Variants in PCM1 observed in about 807,000 individuals in gnomAD.
PCM1 encodes pericentriolar material 1 protein.
Under a neutral mutation model 241.9 loss-of-function variants are expected in PCM1, and 157 were observed. The ratio of observed to expected loss-of-function variants is 0.65; its 90% CI spans 0.57 to 0.74. The LOEUF (loss-of-function observed/expected upper bound fraction) is 0.74, where lower values mean the gene tolerates loss of function less well. Ranked by LOEUF, PCM1 falls within the 30% of genes least tolerant of loss-of-function variation. PCM1 has a pLI of 0.00. For missense variants in PCM1, 3,478 were observed against 2,360.1 expected, an observed-to-expected ratio of 1.47 and a Z score of -9.81; for synonymous variants, 1,085 against 784.9, an observed-to-expected ratio of 1.38 and a Z score of -6.39.
intron 29 of PCM1, among the ~76,000 whole-genome samples, chr8:18,004,521 A>T (rs1276026624): frequency 2.0e-5 from 3 of 152,218 alleles, no homozygotes; most frequent in Non-Finnish European, 4.4e-5. Context: ...TGAGGAAATG[A>T]AATAATAAAT....
At chr8:17,927,743 G>C (rs1221406390) in intron 2 of PCM1, 1 of 150,840 alleles carries the variant, frequency 6.6e-6, no homozygotes, top group Non-Finnish European at 1.5e-5. Context: ...TATAGATGGG[G>C]TTTTAACATG....
chr8:17,982,054 T>C (rs2081033124), intron 24 of PCM1, among the ~76,000 whole-genome samples: 1 of 152,208 alleles, frequency 6.6e-6, no homozygotes, highest in Non-Finnish European at 1.5e-5. Context: ...TAATGAGCAT[T>C]TATCATTTTG....
intron 26 of PCM1, among the ~76,000 whole-genome samples, chr8:17,988,549 G>A (rs1173170683): frequency 6.6e-6 from 1 of 151,758 alleles, no homozygotes; most frequent in Non-Finnish European, 1.5e-5. Context: ...TAAGAAATTA[G>A]ACTTAACAAA....
intron 2 of PCM1, 62 bp downstream of exon 2, chr8:17,924,842 G>A (rs1016390951): frequency 6.6e-6 from 1 of 152,156 alleles, no homozygotes; most frequent in African/African-American, 2.4e-5. Flanking sequence ...CTTTATGGTG[G>A]ACACTGCTGT....
intron 2 of PCM1, among the ~76,000 whole-genome samples, chr8:17,935,265 T>G (rs1173905415): frequency 1.3e-5 from 2 of 152,232 alleles, no homozygotes; most frequent in African/African-American, 2.4e-5. Context: ...TCTAGCTGTT[T>G]ATGACACTTT....
intron 7 of PCM1, 40 bp from the exon 8 acceptor site, chr8:17,950,575 G>A (rs1187854861): frequency 2.0e-6 from 2 of 994,234 alleles, no homozygotes; most frequent in Non-Finnish European, 1.5e-6. Context: ...AAAGGTGTTT[G>A]ATTATTTACA....
chr8:18,023,282 A>T (rs925284071), intron 36 of PCM1, among the ~76,000 whole-genome samples: 1 of 152,226 alleles, frequency 6.6e-6, no homozygotes, highest in African/African-American at 2.4e-5. Context: ...TTGTTTGTAC[A>T]TGAAGTGATC....
intron 2 of PCM1, among the ~76,000 whole-genome samples, chr8:17,932,036 T>C (rs968609665): frequency 6.6e-6 from 1 of 152,144 alleles, no homozygotes; most frequent in Admixed American, 6.5e-5. Context: ...TTATGTATAA[T>C]TTTTCATACT....
chr8:18,010,604 T>TA lies in PCM1; in HGVS notation c.5161-2dup. On this transcript the variant is annotated splice_region_variant and splice_polypyrimidine_tract_variant and intron_variant, in intron 31 of 38. Transcript: ENST00000325083. The stretch of plus-strand genomic sequence containing the variant: ...TAAATTCTGTGTAATTGATTTGTTT[T>TA]AAAGGCTAAAAGGATTCTTGAAGAT... The TA allele has an allele frequency of 6.3e-7, 1 of 1,595,388 alleles. No homozygotes were observed. Among genetic ancestry groups the TA allele is most frequent in the Non-Finnish European group, 8.6e-7 (1 of 1,169,238 alleles).
intron 23 of PCM1, among the ~76,000 whole-genome samples, chr8:17,977,594 A>G (rs1041116366): frequency 1.3e-5 from 2 of 152,092 alleles, no homozygotes; most frequent in African/African-American, 2.4e-5. Flanking sequence ...GATCCTTGCA[A>G]TTCCTCCTGT....
chr8:17,951,481 G>C (rs1015747294), intron 8 of PCM1, among the ~76,000 whole-genome samples: 1 of 152,160 alleles, frequency 6.6e-6, no homozygotes, highest in African/African-American at 2.4e-5. Flanking sequence ...TGGCAACTCT[G>C]TGTTAATAGC....
chr8:18,011,593 G>T (rs951734689), intron 33 of PCM1, 74 bp from the exon 34 acceptor site: 9 of 1,341,426 alleles, frequency 6.7e-6, no homozygotes, highest in Admixed American at 2.4e-5. Context: ...TGCCATGCAG[G>T]AATGCAGTAA....
intron 26 of PCM1, among the ~76,000 whole-genome samples, chr8:17,988,825 GAA>G (rs2083465975): frequency 6.6e-6 from 1 of 151,988 alleles, no homozygotes; most frequent in Admixed American, 6.6e-5. Flanking sequence ...GTGTTGGTGA[GAA>G]TGTGGAACAG....
At chr8:17,967,221 C>T in intron 21 of PCM1, 51 bp downstream of exon 21, 1 of 1,349,832 alleles carries the variant, frequency 7.4e-7, no homozygotes, top group Non-Finnish European at 1.0e-6. Context: ...GTGTTTGGAA[C>T]AACGTAATTT....
chr8:17,989,510 A>G (rs1204756947), intron 26 of PCM1, among the ~76,000 whole-genome samples: 1 of 152,084 alleles, frequency 6.6e-6, no homozygotes, highest in Non-Finnish European at 1.5e-5. Flanking sequence ...AGAGTAAGCT[A>G]CTAGACATTG....
At chr8:17,960,943 C>G (rs2071569691) in intron 15 of PCM1, among the ~76,000 whole-genome samples, 1 of 152,070 alleles carries the variant, frequency 6.6e-6, no homozygotes, top group South Asian at 2.1e-4. Context: ...GGAATTGACT[C>G]ATTATTTTCA....
At chr8:18,011,426 A>G in intron 33 of PCM1, 60 bp downstream of exon 33, 1 of 1,375,748 alleles carries the variant, frequency 7.3e-7, no homozygotes, top group Non-Finnish European at 9.7e-7. Context: ...CATTTATTGG[A>G]ACAGTTTGGT....
At chr8:17,933,884 T>C (rs918555878) in intron 2 of PCM1, among the ~76,000 whole-genome samples, 2 of 152,152 alleles carry the variant, frequency 1.3e-5, no homozygotes, top group African/African-American at 4.8e-5. Flanking sequence ...TCATGTCTTA[T>C]TTTAAGCATA....
intron 6 of PCM1, among the ~76,000 whole-genome samples, chr8:17,946,899 T>C (rs1335568330): frequency 6.6e-6 from 1 of 151,070 alleles, no homozygotes; most frequent in African/African-American, 2.4e-5. Flanking sequence ...CTCTTGGCCT[T>C]TTATGTTTTG....
Sources: allele counts gnomAD v4.1 joint callset (sites outside exome capture counted in the v4.1 genomes callset), GRCh38; gene constraint gnomAD v4.1.1; transcripts MANE v1.5; gene names NCBI Gene and HGNC (gene_info 2026-07-23, HGNC 2026-07-21).